PRMT8: variants seen among roughly 807,000 people sequenced by gnomAD.
The protein encoded by PRMT8 is protein arginine methyltransferase 8.
In PRMT8, 7 loss-of-function variants were observed where a neutral mutation model predicts 47.1. The ratio of observed to expected loss-of-function variants is 0.15; its 90% CI spans 0.08 to 0.28. The LOEUF (loss-of-function observed/expected upper bound fraction) is 0.28, where lower values mean the gene tolerates loss of function less well. Ranked by LOEUF, PRMT8 falls within the 10% of genes least tolerant of loss-of-function variation. PRMT8 has a pLI of 1.00. For missense variants in PRMT8, 237 were observed against 505.4 expected (o/e 0.47, Z 5.09); for synonymous variants, 188 against 186.5 (o/e 1.01, Z -0.07).
intron 1 of PRMT8, among the ~76,000 whole-genome samples, chr12:3,525,118 G>A (rs1487040453): frequency 2.0e-5 from 3 of 152,030 alleles, no homozygotes; most frequent in African/African-American, 7.2e-5. Context: ...GCCACTTAGG[G>A]GACTGAGGCA....
At chr12:3,415,759 C>G (rs917271264) in intron 1 of PRMT8, among the ~76,000 whole-genome samples, 2 of 152,202 alleles carry the variant, frequency 1.3e-5, no homozygotes, top group Non-Finnish European at 2.9e-5. Context: ...TCTCCAAACC[C>G]CTCACTGTCG....
intron 1 of PRMT8, among the ~76,000 whole-genome samples, chr12:3,441,499 A>G (rs1448355721): frequency 6.6e-6 from 1 of 152,164 alleles, no homozygotes; most frequent in Admixed American, 6.5e-5. Flanking sequence ...CCGCGTGGCC[A>G]TCACAAGGCC....
At chr12:3,455,619 GCT>G (rs1591554865) in intron 1 of PRMT8, among the ~76,000 whole-genome samples, 1 of 152,166 alleles carries the variant, frequency 6.6e-6, no homozygotes, top group Non-Finnish European at 1.5e-5. Context: ...TGCTCTCTGG[GCT>G]CGGTCCTGGG....
At chr12:3,387,024 T>C (rs1864147040) in intron 1 of PRMT8, among the ~76,000 whole-genome samples, 1 of 152,144 alleles carries the variant, frequency 6.6e-6, no homozygotes, top group South Asian at 2.1e-4. Flanking sequence ...CTTGATTATG[T>C]GTTTGTTTCC....
intron 2 of PRMT8, among the ~76,000 whole-genome samples, chr12:3,548,451 C>T (rs1675101266): frequency 6.6e-6 from 1 of 152,168 alleles, no homozygotes; most frequent in Non-Finnish European, 1.5e-5. Flanking sequence ...GAAGGACTAG[C>T]TTCCAGAATG....
chr12:3,422,536 C>T (rs1000015512), intron 1 of PRMT8, among the ~76,000 whole-genome samples: 18 of 152,070 alleles, frequency 1.2e-4, no homozygotes, highest in African/African-American at 3.9e-4. Flanking sequence ...TAAGGGGGTC[C>T]GCGTGAAAGG....
intron 1 of PRMT8, among the ~76,000 whole-genome samples, chr12:3,421,092 C>A (rs1174245788): frequency 6.6e-6 from 1 of 152,116 alleles, no homozygotes; most frequent in Non-Finnish European, 1.5e-5. Flanking sequence ...AATAGAGAGC[C>A]CTCCCACTCC....
At chr12:3,554,277 G>A (rs961954042) in intron 4 of PRMT8, among the ~76,000 whole-genome samples, 10 of 152,182 alleles carry the variant, frequency 6.6e-5, no homozygotes, top group Admixed American at 2.0e-4. Flanking sequence ...CATGGACAGC[G>A]ACATTTCCCA....
chr12:3,421,619 C>A (rs1864542049), intron 1 of PRMT8, among the ~76,000 whole-genome samples: 1 of 152,206 alleles, frequency 6.6e-6, no homozygotes. Flanking sequence ...CTTTGAGACA[C>A]AAGAGCCTGA....
At chr12:3,420,668 G>A (rs886113685) in intron 1 of PRMT8, among the ~76,000 whole-genome samples, 1 of 152,150 alleles carries the variant, frequency 6.6e-6, no homozygotes, top group African/African-American at 2.4e-5. Context: ...CGGTCACCAC[G>A]GTGTCCAGCT....
chr12:3,414,493 C>T (rs2137057740), intron 1 of PRMT8, among the ~76,000 whole-genome samples: 1 of 152,230 alleles, frequency 6.6e-6, no homozygotes, highest in South Asian at 2.1e-4. Flanking sequence ...TGAGAAGGAG[C>T]CTGCAAGCGA....
At chr12:3,555,381 G>A (rs1042583985) in intron 4 of PRMT8, among the ~76,000 whole-genome samples, 1 of 152,194 alleles carries the variant, frequency 6.6e-6, no homozygotes, top group Non-Finnish European at 1.5e-5. Context: ...GAGGGGAAGA[G>A]CATCTCAGAC....
chr12:3,469,001 G>A (rs770123816), intron 1 of PRMT8: 21 of 285,008 alleles, frequency 7.4e-5, no homozygotes, highest in Middle Eastern at 1.3e-3. Flanking sequence ...CCATGGCCAC[G>A]TGCTGTCTAT....
At position 3,576,923 on chromosome 12, in the gene PRMT8, G is replaced by A; in HGVS notation, c.765G>A (p.Met255Ile). The part of the protein sequence containing the change: ...FDMTCIRDVA[M>I]KEPLVDIVDP... ...TGACCTGCATCCGGGACGTGGCCAT[G>A]AAGGAGCCTCTAGTGGACATCGTGG... Residue 255 changes from methionine to isoleucine, a missense_variant, in exon 7 of 10, where the codon ATG becomes ATA. By Grantham distance (10) the Met-to-Ile change is conservative. Coordinates refer to ENST00000382622, the MANE Select transcript of PRMT8 (RefSeq NM_019854.5). The surrounding 1 kb of genome is among the most constrained non-coding windows in gnomAD (Gnocchi z 4.0). 2 of 1,614,162 alleles carry A rather than the reference G, an allele frequency of 1.2e-6. No homozygotes were observed. Among genetic ancestry groups the A allele is most frequent in the South Asian group, 1.1e-5 (1 of 91,076 alleles).
At chr12:3,482,900 G>A (rs534255007) in intron 1 of PRMT8, among the ~76,000 whole-genome samples, 1 of 152,290 alleles carries the variant, frequency 6.6e-6, no homozygotes, top group South Asian at 2.1e-4. Context: ...GGGGCTCAGA[G>A]TGGTTGAGCA....
chr12:3,591,303 T>G (rs1286669895), intron 8 of PRMT8, among the ~76,000 whole-genome samples: 1 of 152,126 alleles, frequency 6.6e-6, no homozygotes, highest in African/African-American at 2.4e-5. Flanking sequence ...ATCCCTCATT[T>G]CTTTCTGATC....
intron 1 of PRMT8, among the ~76,000 whole-genome samples, chr12:3,397,174 T>G (rs1036117501): frequency 6.6e-6 from 1 of 151,804 alleles, no homozygotes; most frequent in Non-Finnish European, 1.5e-5. Context: ...TCCCATAGCT[T>G]GGAGTAATTT....
chr12:3,418,215 A>G (rs1445715526), intron 1 of PRMT8, among the ~76,000 whole-genome samples: 1 of 152,192 alleles, frequency 6.6e-6, no homozygotes. Context: ...GGAAGCAGAC[A>G]TTTCTGAGTT....
intron 1 of PRMT8, among the ~76,000 whole-genome samples, chr12:3,440,290 C>A (rs925140628): frequency 3.9e-5 from 6 of 152,014 alleles, no homozygotes; most frequent in Admixed American, 2.0e-4. Flanking sequence ...GAAACCCTGT[C>A]TCTACTAAAT....
Sources: allele counts gnomAD v4.1 joint callset (sites outside exome capture counted in the v4.1 genomes callset), GRCh38; gene constraint gnomAD v4.1.1; non-coding constraint Gnocchi (gnomAD v3.1); transcripts MANE v1.5; gene names NCBI Gene and HGNC (gene_info 2026-07-23, HGNC 2026-07-21).